The following CPPED1 variants were observed in gnomAD, a reference collection of about 807,000 sequenced individuals.
CPPED1 encodes the protein serine/threonine-protein phosphatase CPPED1.
In CPPED1, 28 loss-of-function variants were observed where a neutral mutation model predicts 28.0. The ratio of observed to expected loss-of-function variants is 1.00; its 90% confidence interval spans 0.74 to 1.37. CPPED1 has a LOEUF of 1.37. Among genes scored for constraint, CPPED1 ranks in the 40% most tolerant of loss-of-function variants. The probability of loss-of-function intolerance (pLI) is 0.00; values close to 1 mark genes in which losing one functional copy is unlikely to be tolerated. For missense variants in CPPED1, 504 were observed against 416.5 expected, an observed-to-expected ratio of 1.21 and a Z score of -1.83; for synonymous variants, 198 against 180.2, an observed-to-expected ratio of 1.10 and a Z score of -0.79.
At position 12,736,593 on chromosome 16, in the gene CPPED1, A is replaced by C. The variant is rs146870594; in HGVS notation, c.290-31544T>G. The stretch of plus-strand genomic sequence containing the variant: ...TCTAGCTGTTGTGTTGAAGGGAATC[A>C]AAGTAAATTCTAGCCCATAGAAGTG... On this transcript the variant is annotated intron_variant, in intron 2 of 3. Transcript: ENST00000381774. Among the ~76,000 whole-genome samples the C allele has an allele frequency of 4.6e-3, 705 of 152,294 alleles. 6 individuals carry two copies. The highest frequency in any genetic ancestry group is 0.016 in the African/African-American group (681 of 41,566).
rs1014755341 is a variant in CPPED1, at chr16:12,661,466, A to G, written c.*3420T>C. 3.3e-5 allele frequency: 5 copies of G among 152,244 alleles called. No homozygotes were observed. The highest frequency in any genetic ancestry group is 1.2e-4 in the African/African-American group (5 of 41,474). 9.4% of individuals were successfully genotyped at this position (152,244 alleles called of 1,614,324 possible). ...GATGTGAGATAAAATTATTTATTGT[A>G]AAAAGTAAATGATCATCTCCCCAGC... On this transcript the variant is annotated 3_prime_UTR_variant, in exon 4 of 4. Coordinates refer to ENST00000381774, the MANE Select transcript of CPPED1 (RefSeq NM_018340.3).
chr16:12,724,080 C>T (rs1403130773), intron 2 of CPPED1, among the ~76,000 whole-genome samples: 1 of 152,208 alleles, frequency 6.6e-6, no homozygotes, highest in Non-Finnish European at 1.5e-5. Flanking sequence ...GTATGCAAAC[C>T]ACCCCCCACT....
chr16:12,684,323 C>A (rs2141174111), intron 3 of CPPED1, among the ~76,000 whole-genome samples: 1 of 152,280 alleles, frequency 6.6e-6, no homozygotes, highest in South Asian at 2.1e-4. Flanking sequence ...CCAGCCTGGG[C>A]AACAAAATGA....
At chr16:12,785,169 T>C (rs2080555297) in intron 1 of CPPED1, among the ~76,000 whole-genome samples, 1 of 152,236 alleles carries the variant, frequency 6.6e-6, no homozygotes, top group Non-Finnish European at 1.5e-5. Flanking sequence ...TGCTTAATTC[T>C]AGAAGGAGGA....
intron 2 of CPPED1, among the ~76,000 whole-genome samples, chr16:12,744,278 G>C (rs905511826): frequency 7.0e-6 from 1 of 142,904 alleles, no homozygotes; most frequent in Non-Finnish European, 1.5e-5. Context: ...GAAAGAGAGA[G>C]AGAGAGAGAG....
At chr16:12,747,298 G>A (rs1297994925) in intron 2 of CPPED1, among the ~76,000 whole-genome samples, 2 of 151,946 alleles carry the variant, frequency 1.3e-5, no homozygotes, top group African/African-American at 4.8e-5. Context: ...CAGGCACAAT[G>A]ACTGGCATCT....
In CPPED1 at chr16:12,738,475, T is replaced by A. The variant is rs1385844480; in HGVS notation, c.290-33426A>T. 4.6e-5 allele frequency among the ~76,000 whole-genome samples: 7 copies of A among 152,086 alleles called. No homozygotes were observed. The South Asian group carries it at 8.3e-4, about 18-fold the overall frequency. ...CACACCTGCTTATTATTAAAAAAAA[T>A]GTTGCAGAGATGAAATGTCTCTGAA... On this transcript the variant is annotated intron_variant, in intron 2 of 3. Transcript: ENST00000381774.
At chr16:12,735,188 T>C (rs2080220361) in intron 2 of CPPED1, among the ~76,000 whole-genome samples, 3 of 152,158 alleles carry the variant, frequency 2.0e-5, no homozygotes, top group African/African-American at 7.2e-5. Flanking sequence ...ACATACTCCA[T>C]GGACCAATGA....
intron 1 of CPPED1, among the ~76,000 whole-genome samples, chr16:12,786,747 C>T (rs773214481): frequency 2.6e-5 from 4 of 152,116 alleles, no homozygotes; most frequent in South Asian, 2.1e-4. Flanking sequence ...GGTGAAACCT[C>T]GTCTCTACTA....
chr16:12,800,641 T>C (rs543903859), intron 1 of CPPED1, among the ~76,000 whole-genome samples: 5 of 152,286 alleles, frequency 3.3e-5, no homozygotes, highest in African/African-American at 1.2e-4. Context: ...TTGAAACCTC[T>C]TGATGCTATT....
chr16:12,731,296 G>C (rs2080195929), intron 2 of CPPED1, among the ~76,000 whole-genome samples: 1 of 151,286 alleles, frequency 6.6e-6, no homozygotes. Context: ...TGGGACCACA[G>C]GCACCCGCCA....
At chr16:12,676,903 G>A (rs1267139084) in intron 3 of CPPED1, among the ~76,000 whole-genome samples, 3 of 152,034 alleles carry the variant, frequency 2.0e-5, no homozygotes, top group Admixed American at 1.3e-4. Flanking sequence ...TTTATTATAC[G>A]ATTTAGAGAT....
intron 2 of CPPED1, among the ~76,000 whole-genome samples, chr16:12,776,490 G>A (rs911261686): frequency 6.6e-6 from 1 of 152,214 alleles, no homozygotes; most frequent in African/African-American, 2.4e-5. Context: ...AAGGGACCTG[G>A]TGGGAGGTAA....
At position 12,674,763 on chromosome 16, in the gene CPPED1, C is replaced by T. The variant is rs145710938; in HGVS notation, c.716-9648G>A. 1.8e-3 allele frequency among the ~76,000 whole-genome samples: 279 copies of T among 152,328 alleles called. 1 individual carries two copies. Among genetic ancestry groups the T allele is most frequent in the African/African-American group, 6.4e-3 (268 of 41,576 alleles). On this transcript the variant is annotated intron_variant, in intron 3 of 3. Coordinates refer to ENST00000381774, the MANE Select transcript of CPPED1 (RefSeq NM_018340.3). ...ATCCAGGATCAGAACTCAGGGTACT[C>T]AGACATCAGAGCCCATTCTGCTTTG...
At chr16:12,768,315 T>C (rs973541612) in intron 2 of CPPED1, among the ~76,000 whole-genome samples, 12 of 152,368 alleles carry the variant, frequency 7.9e-5, no homozygotes, top group Admixed American at 7.2e-4. Flanking sequence ...GCTCTCTGTT[T>C]TCACTTTTTG....
At chr16:12,744,276 G>C (rs1413009821) in intron 2 of CPPED1, among the ~76,000 whole-genome samples, 2 of 128,096 alleles carry the variant, frequency 1.6e-5, no homozygotes, top group African/African-American at 3.0e-5. Flanking sequence ...GTGAAAGAGA[G>C]AGAGAGAGAG....
chr16:12,782,561 TTC>T, intron 1 of CPPED1, among the ~76,000 whole-genome samples: 1 of 151,228 alleles, frequency 6.6e-6, no homozygotes, highest in East Asian at 1.9e-4. Context: ...TTTTTTTTTT[TTC>T]ATAATTTAAT....
intron 2 of CPPED1, among the ~76,000 whole-genome samples, chr16:12,777,898 ATTTTCTTTTTTTTTTTT>A (rs1213886210): frequency 2.4e-5 from 3 of 124,136 alleles, no homozygotes; most frequent in South Asian, 2.6e-4. Flanking sequence ...CTTTTTTTCT[ATTTTCTTTTTTTTTTTT>A]TTTTCTTTTT....
At chr16:12,678,560 C>G (rs1443919909) in intron 3 of CPPED1, among the ~76,000 whole-genome samples, 1 of 152,180 alleles carries the variant, frequency 6.6e-6, no homozygotes, top group Non-Finnish European at 1.5e-5. Context: ...TTACTCAGGT[C>G]TTTTAAAATT....
Sources: gnomAD v4.1 joint callset for allele counts (sites outside exome capture counted in the v4.1 genomes callset) on GRCh38, gnomAD v4.1.1 for gene constraint, MANE v1.5 for transcripts, NCBI Gene and HGNC (gene_info 2026-07-23, HGNC 2026-07-21) for gene names.